ARHGAP22: variants seen among roughly 807,000 people sequenced by gnomAD.
ARHGAP22 encodes Rho GTPase activating protein 22.
Under a neutral mutation model 59.1 loss-of-function variants are expected in ARHGAP22, and 48 were observed. The ratio of observed to expected loss-of-function variants is 0.81; its 90% CI spans 0.64 to 1.03. The LOEUF is 1.03. Ranked by LOEUF, ARHGAP22 falls within the 50% of genes least tolerant of loss-of-function variation. ARHGAP22 has a pLI of 0.00. For missense variants in ARHGAP22, 1,015 were observed against 958.7 expected (o/e 1.06, Z -0.78); for synonymous variants, 445 against 416.4 (o/e 1.07, Z -0.84).
intron 1 of ARHGAP22, among the ~76,000 whole-genome samples, chr10:48,651,027 G>A (rs2062539992): frequency 6.6e-6 from 1 of 152,158 alleles, no homozygotes; most frequent in Non-Finnish European, 1.5e-5. Context: ...GGGGCTCTGT[G>A]GAGTCTGAGC....
chr10:48,493,949 T>C (rs1385629881), intron 3 of ARHGAP22, among the ~76,000 whole-genome samples: 1 of 152,210 alleles, frequency 6.6e-6, no homozygotes. Context: ...AATGAATGCA[T>C]GGGAGAAGCC....
At chr10:48,583,192 G>A (rs368206323) in intron 1 of ARHGAP22, 40 bp from the exon 2 acceptor site, 92 of 1,591,278 alleles carry the variant, frequency 5.8e-5, no homozygotes, top group East Asian at 5.4e-4. Context: ...TGAAGGCAGC[G>A]TGCCTGCTAT....
At chr10:48,472,816 T>TA (rs200554992) in intron 4 of ARHGAP22, among the ~76,000 whole-genome samples, 234 of 144,212 alleles carry the variant, frequency 1.6e-3, no homozygotes, top group East Asian at 5.4e-3. Context: ...GGATGGCTAT[T>TA]AAAAAAAAAA....
At chr10:48,653,289 A>C (rs911566129), upstream of ARHGAP22, among the ~76,000 whole-genome samples, 11 of 152,250 alleles carry the variant, frequency 7.2e-5, no homozygotes, top group African/African-American at 2.7e-4. Flanking sequence ...TATAAAGATA[A>C]AACAAGCATA....
intron 3 of ARHGAP22, among the ~76,000 whole-genome samples, chr10:48,554,452 C>T (rs1158838339): frequency 6.6e-6 from 1 of 152,192 alleles, no homozygotes; most frequent in Non-Finnish European, 1.5e-5. Context: ...AGTTCACAGC[C>T]ACCACTTCCC....
upstream of ARHGAP22, among the ~76,000 whole-genome samples, chr10:48,608,909 A>C (rs1335361919): frequency 1.3e-5 from 2 of 152,166 alleles, no homozygotes; most frequent in Admixed American, 6.5e-5. Flanking sequence ...ATTTTACTAC[A>C]TTTTATTATT....
chr10:48,522,236 T>A (rs2053871084), intron 3 of ARHGAP22, among the ~76,000 whole-genome samples: 2 of 152,344 alleles, frequency 1.3e-5, no homozygotes, highest in South Asian at 4.1e-4. Context: ...CTTGGCTAAC[T>A]TCCATGGGCT....
intron 3 of ARHGAP22, among the ~76,000 whole-genome samples, chr10:48,517,231 A>G (rs2053372887): frequency 2.0e-5 from 3 of 152,332 alleles, no homozygotes; most frequent in South Asian, 4.1e-4. Flanking sequence ...ATTCAATTCA[A>G]TTCAATTAAT....
chr10:48,635,047 G>A (rs1022178999), intron 1 of ARHGAP22, among the ~76,000 whole-genome samples: 4 of 152,066 alleles, frequency 2.6e-5, no homozygotes, highest in Non-Finnish European at 4.4e-5. Context: ...CCTGGGGCCC[G>A]AGGTGCTTTG....
At chr10:48,594,221 C>G (rs942720618) in intron 1 of ARHGAP22, among the ~76,000 whole-genome samples, 1 of 152,204 alleles carries the variant, frequency 6.6e-6, no homozygotes, top group Non-Finnish European at 1.5e-5. Flanking sequence ...CAGCCCACAA[C>G]GAACAGGCCA....
At chr10:48,540,874 G>T (rs2055867081) in intron 3 of ARHGAP22, among the ~76,000 whole-genome samples, 1 of 151,940 alleles carries the variant, frequency 6.6e-6, no homozygotes. Flanking sequence ...CAACATCAAG[G>T]CTACTCAACC....
intron 1 of ARHGAP22, among the ~76,000 whole-genome samples, chr10:48,595,556 C>T (rs1265274549): frequency 6.6e-6 from 1 of 152,068 alleles, no homozygotes; most frequent in Admixed American, 6.5e-5. Flanking sequence ...TAGAGTCTTG[C>T]TGTATCACCT....
chr10:48,523,692 G>A (rs866477112), intron 3 of ARHGAP22, among the ~76,000 whole-genome samples: 1 of 151,956 alleles, frequency 6.6e-6, no homozygotes, highest in Non-Finnish European at 1.5e-5. Context: ...CTGGGCGCCG[G>A]GGGTTCCTCC....
chr10:48,581,042 G>C (rs1107998), intron 2 of ARHGAP22, among the ~76,000 whole-genome samples: 56,884 of 151,786 alleles, frequency 0.37, 11,734 homozygotes, highest in East Asian at 0.74. Context: ...TTAAAATCGG[G>C]CCAAGTGGAC....
intron 1 of ARHGAP22, among the ~76,000 whole-genome samples, chr10:48,636,983 C>G (rs938137813): frequency 6.6e-6 from 1 of 152,178 alleles, no homozygotes; most frequent in Non-Finnish European, 1.5e-5. Context: ...TCATGATGGC[C>G]AGGACTTTAG....
At chr10:48,504,721 T>C (rs567036900) in intron 3 of ARHGAP22, among the ~76,000 whole-genome samples, 53 of 152,150 alleles carry the variant, frequency 3.5e-4, no homozygotes, top group African/African-American at 1.1e-3. Context: ...GGTCAGGAGC[T>C]TAGATAGGAA....
chr10:48,450,732 G>A lies in ARHGAP22; in HGVS notation c.1397C>T (p.Ser466Phe). Reference sequence around the variant, plus strand: ...GGCCCGGCGGTGTCCGCGCAGGGAGGACAGCCCGTTCATAAGCCAGTTCCC... The same window carrying A: ...GGCCCGGCGGTGTCCGCGCAGGGAGAACAGCCCGTTCATAAGCCAGTTCCC... Reference protein sequence around the residue: ...SGGNWLMNGLSSLRGHRRASS... With the variant: ...SGGNWLMNGLFSLRGHRRASS... The change falls in exon 9 of 10, where the codon TCC becomes TTC. Residue 466 changes from serine (S) to phenylalanine (F), a missense_variant. Physicochemically the swap from Ser to Phe is radical, Grantham distance 155. Coordinates refer to ENST00000249601, the MANE Select transcript of ARHGAP22 (RefSeq NM_021226.4). The A allele has an allele frequency of 6.4e-7, 1 of 1,558,248 alleles. No homozygotes were observed. Among genetic ancestry groups the A allele is most frequent in the Non-Finnish European group, 8.7e-7 (1 of 1,151,548 alleles).
At chr10:48,551,799 G>T (rs1288991390) in intron 3 of ARHGAP22, among the ~76,000 whole-genome samples, 2 of 152,230 alleles carry the variant, frequency 1.3e-5, no homozygotes, top group African/African-American at 4.8e-5. Flanking sequence ...GGAACCAGAG[G>T]TGTATGCTGT....
chr10:48,617,709 G>A (rs1227329071), intron 1 of ARHGAP22, among the ~76,000 whole-genome samples: 1 of 151,756 alleles, frequency 6.6e-6, no homozygotes, highest in Non-Finnish European at 1.5e-5. Flanking sequence ...TGAGAGAAAA[G>A]TTTATAGCAA....
Sources: allele counts gnomAD v4.1 joint callset (sites outside exome capture counted in the v4.1 genomes callset), GRCh38; gene constraint gnomAD v4.1.1; transcripts MANE v1.5; gene names NCBI Gene and HGNC (gene_info 2026-07-23, HGNC 2026-07-21).